TAFA5: variants seen among roughly 807,000 people sequenced by gnomAD.
TAFA5 encodes the protein TAFA chemokine like family member 5.
A neutral mutation model predicts 15.3 loss-of-function variants in TAFA5; 6 were observed. The observed-to-expected ratio is 0.39, with a 90% CI of 0.21 to 0.77. The LOEUF (loss-of-function observed/expected upper bound fraction) is 0.77, where lower values mean the gene tolerates loss of function less well. Among genes scored for constraint, TAFA5 ranks in the 30% least tolerant of loss-of-function variants. The probability of loss-of-function intolerance (pLI) is 0.41; values close to 1 mark genes in which losing one functional copy is unlikely to be tolerated. For missense variants in TAFA5, 161 were observed against 193.1 expected (o/e 0.83, Z 0.98); for synonymous variants, 103 against 80.7 (o/e 1.28, Z -1.48).
intron 1 of TAFA5, among the ~76,000 whole-genome samples, chr22:48,634,621 T>G (rs1308484100): frequency 2.0e-5 from 3 of 152,164 alleles, no homozygotes; most frequent in Non-Finnish European, 4.4e-5. Flanking sequence ...ACCCACTCAT[T>G]GACACACTCG....
chr22:48,604,330 G>C (rs527449422), intron 1 of TAFA5, among the ~76,000 whole-genome samples: 2 of 152,226 alleles, frequency 1.3e-5, no homozygotes, highest in Admixed American at 1.3e-4. Context: ...TGTGACATGG[G>C]CATGTCACCA....
intron 2 of TAFA5, among the ~76,000 whole-genome samples, chr22:48,695,330 C>T (rs959411050): frequency 6.6e-6 from 1 of 152,168 alleles, no homozygotes; most frequent in African/African-American, 2.4e-5. Flanking sequence ...CCAGCTCAGA[C>T]AGCTGAGATG....
intron 2 of TAFA5, among the ~76,000 whole-genome samples, chr22:48,691,485 G>A (rs1041595530): frequency 6.6e-6 from 1 of 152,268 alleles, no homozygotes; most frequent in Non-Finnish European, 1.5e-5. Flanking sequence ...CGCAGGTGAG[G>A]AGGCAAACTG....
At chr22:48,559,566 G>A (rs771185554) in intron 1 of TAFA5, among the ~76,000 whole-genome samples, 75 of 152,110 alleles carry the variant, frequency 4.9e-4, no homozygotes, top group Admixed American at 6.5e-4. Flanking sequence ...TGGTCTCCAC[G>A]TCCCCAAGGC....
chr22:48,548,544 G>A (rs1377669773), intron 1 of TAFA5, among the ~76,000 whole-genome samples: 4 of 152,186 alleles, frequency 2.6e-5, no homozygotes, highest in Non-Finnish European at 5.9e-5. Context: ...GGTCAGACTG[G>A]ACCCCAGGCT....
At chr22:48,702,172 T>A (rs1928930574) in intron 2 of TAFA5, among the ~76,000 whole-genome samples, 1 of 152,058 alleles carries the variant, frequency 6.6e-6, no homozygotes, top group African/African-American at 2.4e-5. Context: ...GACATGTGGC[T>A]GAGTGTGGTA....
rs114599564 is a variant in TAFA5, at chr22:48,666,963, A to G, written c.262+20217A>G. Among the ~76,000 whole-genome samples, 778 of 152,206 alleles carry G rather than the reference A, an allele frequency of 5.1e-3. 5 individuals carry two copies. Among genetic ancestry groups the G allele is most frequent in the African/African-American group, 0.018 (738 of 41,508 alleles). On this transcript the variant is annotated intron_variant, in intron 2 of 3. Coordinates refer to ENST00000402357, the MANE Select transcript of TAFA5 (RefSeq NM_001082967.3). ...GAGTGGGCGTCCAGAGAGTCACCCA[A>G]GCACCCCAGCTGCATAGGTGATTTC... is the stretch of plus-strand genomic sequence containing the variant.
intron 2 of TAFA5, among the ~76,000 whole-genome samples, chr22:48,665,549 A>AT (rs1927581372): frequency 9.7e-6 from 1 of 103,560 alleles, no homozygotes; most frequent in South Asian, 3.2e-4. Context: ...GTTTCTGATT[A>AT]AGTTCCATGT....
chr22:48,744,976 G>A (rs1327295811), intron 3 of TAFA5, among the ~76,000 whole-genome samples: 2 of 152,264 alleles, frequency 1.3e-5, no homozygotes, highest in East Asian at 1.9e-4. Flanking sequence ...GGATGGTCTC[G>A]AACTCCTGAC....
At chr22:48,579,314 C>T (rs1601591526) in intron 1 of TAFA5, among the ~76,000 whole-genome samples, 2 of 152,228 alleles carry the variant, frequency 1.3e-5, no homozygotes, top group Admixed American at 6.5e-5. Context: ...AGGGCCGCAG[C>T]GTGGGGTCCG....
intron 1 of TAFA5, among the ~76,000 whole-genome samples, chr22:48,622,541 G>C (rs1260745824): frequency 1.3e-5 from 2 of 152,210 alleles, no homozygotes; most frequent in Non-Finnish European, 2.9e-5. Context: ...GGAGGAGGAA[G>C]AGGGGCTGGA....
chr22:48,704,640 G>A (rs546509161), intron 2 of TAFA5, among the ~76,000 whole-genome samples: 4 of 151,956 alleles, frequency 2.6e-5, no homozygotes, highest in South Asian at 2.1e-4. Flanking sequence ...CTATCCCCAC[G>A]TGCCATGTTA....
intron 2 of TAFA5, among the ~76,000 whole-genome samples, chr22:48,674,677 A>AC (rs67528982): frequency 0.19 from 28,055 of 151,192 alleles, 3,595 homozygotes; most frequent in East Asian, 0.62. Flanking sequence ...GGAGGTCCAC[A>AC]CCCCCCACAG....
At chr22:48,492,490 G>C (rs1479527459) in intron 1 of TAFA5, among the ~76,000 whole-genome samples, 1 of 152,164 alleles carries the variant, frequency 6.6e-6, no homozygotes, top group Non-Finnish European at 1.5e-5. Flanking sequence ...TACTGTTCTT[G>C]GCCCAGTGAG....
At chr22:48,684,370 G>A (rs1488717172) in intron 2 of TAFA5, among the ~76,000 whole-genome samples, 3 of 152,108 alleles carry the variant, frequency 2.0e-5, no homozygotes, top group Non-Finnish European at 1.5e-5. Context: ...GCCGTGAAGC[G>A]TGATTGGCCT....
intron 3 of TAFA5, among the ~76,000 whole-genome samples, chr22:48,723,568 G>A (rs1929631791): frequency 6.6e-6 from 1 of 152,188 alleles, no homozygotes; most frequent in Non-Finnish European, 1.5e-5. Flanking sequence ...CCCCTTCCAG[G>A]GATGCGGCCA....
At chr22:48,728,657 A>C (rs1244691403) in intron 3 of TAFA5, among the ~76,000 whole-genome samples, 2 of 152,256 alleles carry the variant, frequency 1.3e-5, no homozygotes, top group African/African-American at 2.4e-5. Context: ...GCTACTCATC[A>C]GTGTATGTAT....
intron 3 of TAFA5, among the ~76,000 whole-genome samples, chr22:48,722,634 C>G (rs1268887494): frequency 6.6e-6 from 1 of 152,086 alleles, no homozygotes; most frequent in African/African-American, 2.4e-5. Context: ...CAGCAAACCA[C>G]CACGGCACAT....
At chr22:48,629,895 G>T (rs1429179725) in intron 1 of TAFA5, among the ~76,000 whole-genome samples, 2 of 152,232 alleles carry the variant, frequency 1.3e-5, no homozygotes, top group Non-Finnish European at 2.9e-5. Context: ...CGGCAGAGGA[G>T]TGCGGGCACC....
Sources: allele counts gnomAD v4.1 joint callset (sites outside exome capture counted in the v4.1 genomes callset), GRCh38; gene constraint gnomAD v4.1.1; transcripts MANE v1.5; gene names NCBI Gene and HGNC (gene_info 2026-07-23, HGNC 2026-07-21).